ALMS1: variants seen among roughly 807,000 people sequenced by gnomAD.
The protein encoded by ALMS1 is centrosome-associated protein ALMS1.
ALMS1 carries 271 observed loss-of-function variants against 352.2 expected under a neutral mutation model. The ratio of observed to expected loss-of-function variants is 0.77; its 90% CI spans 0.70 to 0.85. The LOEUF is 0.85. ALMS1 is among the 40% of genes least tolerant of loss of function. The probability of loss-of-function intolerance (pLI) is 0.00; values close to 1 mark genes in which losing one functional copy is unlikely to be tolerated. For synonymous variants in ALMS1, 1,865 were observed against 1,761.2 expected (o/e 1.06, Z -1.48); for missense variants, 5,445 against 4,870.7 (o/e 1.12, Z -3.51).
chr2:73,585,942 T>C (rs1165362558), intron 16 of ALMS1, among the ~76,000 whole-genome samples: 2 of 152,018 alleles, frequency 1.3e-5, no homozygotes, highest in Non-Finnish European at 2.9e-5. Flanking sequence ...TATTTTGTAT[T>C]TTAGTAGTGG....
chr2:73,456,319 A>G (rs962647875), intron 9 of ALMS1, among the ~76,000 whole-genome samples: 6 of 152,176 alleles, frequency 3.9e-5, no homozygotes, highest in African/African-American at 1.4e-4. Context: ...AGATGTGCAG[A>G]GTTTTCATTT....
rs113990482 is a variant in ALMS1, at chr2:73,563,615, C to T, written c.10384+4473C>T. On this transcript the variant is annotated intron_variant, in intron 15 of 22. Coordinates refer to ENST00000613296, the MANE Select transcript of ALMS1 (RefSeq NM_001378454.1). ...GCAGGCGCCTGTAGTCCCAGCTACT[C>T]AGGAGGCTGAGGCAGGAGAATGGCA... is the stretch of plus-strand genomic sequence containing the variant. Among the ~76,000 whole-genome samples the T allele has an allele frequency of 2.6e-3, 392 of 150,578 alleles. 3 individuals are homozygous for T. Among genetic ancestry groups the T allele is most frequent in the African/African-American group, 9.1e-3 (371 of 40,928 alleles).
In ALMS1 at chr2:73,497,021, A is replaced by T. The variant is rs201607600; in HGVS notation, c.9539+5523A>T. On this transcript the variant is annotated intron_variant, in intron 10 of 22. Coordinates refer to ENST00000613296, the MANE Select transcript of ALMS1 (RefSeq NM_001378454.1). ...TGCGACTTGTCTTCTTATCCTCTTA[A>T]AAAAGGCTTTCAAAAAACAAAGGTG... 3.2e-4 allele frequency among the ~76,000 whole-genome samples: 48 copies of T among 152,240 alleles called. No homozygotes were observed. The East Asian group carries it at 9.1e-3, about 29-fold the overall frequency.
In ALMS1 at chr2:73,529,346, A is replaced by G. The variant is rs543202276; in HGVS notation, c.9782-5478A>G. ...GGCGTGAGCCACTGCACCCAGCCAA[A>G]ACAGATATTTTTGAATTCTTTGTCT... On this transcript the variant is annotated intron_variant, in intron 11 of 22. Transcript: ENST00000613296. Among the ~76,000 whole-genome samples, 5 of 152,230 alleles carry G rather than the reference A, an allele frequency of 3.3e-5. No homozygotes were observed. The East Asian group carries it at 9.7e-4, about 29-fold the overall frequency.
chr2:73,445,065 G>A (rs1221886747), intron 7 of ALMS1, among the ~76,000 whole-genome samples: 1 of 151,796 alleles, frequency 6.6e-6, no homozygotes, highest in African/African-American at 2.4e-5. Flanking sequence ...CACACAATAG[G>A]TGCTTTTGCC....
intron 11 of ALMS1, among the ~76,000 whole-genome samples, chr2:73,526,401 A>G (rs1253054963): frequency 1.3e-5 from 2 of 152,096 alleles, no homozygotes; most frequent in Non-Finnish European, 2.9e-5. Flanking sequence ...TTTTAACAAT[A>G]TTGATTCTTC....
chr2:73,596,876 T>TTTTTTG (rs1197189216), intron 16 of ALMS1, among the ~76,000 whole-genome samples: 2 of 149,990 alleles, frequency 1.3e-5, no homozygotes, highest in Non-Finnish European at 3.0e-5. Flanking sequence ...TTTTTTTTTT[T>TTTTTTG]TTCTTTTTTT....
intron 15 of ALMS1, among the ~76,000 whole-genome samples, chr2:73,560,107 G>C (rs10169213): frequency 0.3 from 45,663 of 152,022 alleles, 8,301 homozygotes; most frequent in African/African-American, 0.51. Flanking sequence ...CAGAATGAGA[G>C]AAGATATTTG....
intron 9 of ALMS1, among the ~76,000 whole-genome samples, chr2:73,461,819 A>G (rs1440003639): frequency 6.6e-6 from 1 of 152,236 alleles, no homozygotes; most frequent in Non-Finnish European, 1.5e-5. Flanking sequence ...CAGAAGCCTC[A>G]GGAGCTGATG....
At chr2:73,405,360 A>G (rs567197613) in intron 1 of ALMS1, among the ~76,000 whole-genome samples, 13 of 152,186 alleles carry the variant, frequency 8.5e-5, no homozygotes, top group African/African-American at 3.1e-4. Context: ...AGGCTGTCCA[A>G]TTAGTTGGAG....
At chr2:73,578,182 T>C (rs957047466) in intron 16 of ALMS1, among the ~76,000 whole-genome samples, 3 of 152,192 alleles carry the variant, frequency 2.0e-5, no homozygotes, top group Non-Finnish European at 2.9e-5. Flanking sequence ...TTTTGTCTGA[T>C]ATTAGGGTAA....
rs532611312 is a variant in ALMS1, at chr2:73,478,362, A to G, written c.7675-11272A>G. Among the ~76,000 whole-genome samples, 21 of 152,314 alleles carry G rather than the reference A, an allele frequency of 1.4e-4. No individual in the cohort carries two copies. In the South Asian group the frequency reaches 2.1e-3, roughly 15 times the overall value. Reference sequence around the variant, plus strand: ...TTATTATGAAAGCTTGAAAGATGCAATGGGAGGAGGTAGAGCATGAAGTGT... The same window carrying G: ...TTATTATGAAAGCTTGAAAGATGCAGTGGGAGGAGGTAGAGCATGAAGTGT... On this transcript the variant is annotated intron_variant, in intron 9 of 22. Coordinates refer to ENST00000613296, the MANE Select transcript of ALMS1 (RefSeq NM_001378454.1).
intron 14 of ALMS1, 46 bp from the exon 15 acceptor site, chr2:73,558,926 T>C: frequency 6.3e-7 from 1 of 1,599,618 alleles, no homozygotes; most frequent in Non-Finnish European, 8.6e-7. Flanking sequence ...AAAAATCTTT[T>C]ATGTCAAGTT....
At chr2:73,584,520 T>A (rs1237413565) in intron 16 of ALMS1, among the ~76,000 whole-genome samples, 1 of 152,230 alleles carries the variant, frequency 6.6e-6, no homozygotes, top group Non-Finnish European at 1.5e-5. Flanking sequence ...GAACAACAAC[T>A]GAGTTGGATA....
Position 73,573,253 on chromosome 2 carries a change from A to G in ALMS1, c.11376A>G (p.Gln3792=), listed in dbSNP as rs1447315936. The G allele has an allele frequency of 2.5e-6, 4 of 1,613,848 alleles. No homozygotes were observed. The Admixed American group carries it at 5.0e-5, about 20-fold the overall frequency. The change falls in exon 16 of 23, where the codon CAA becomes CAG. Residue 3792 remains glutamine (Q), a synonymous_variant. Coordinates refer to ENST00000613296, the MANE Select transcript of ALMS1 (RefSeq NM_001378454.1). ...CTATTGACACTGCCCGGCTGATTCA[A>G]GCTTTTGGCCATGAAAGAGTATGCT... The part of the protein sequence containing the change: ...VSTIDTARLI[Q]AFGHERVCLS...
chr2:73,385,838 C>A lies in ALMS1; in HGVS notation c.-31C>A. The A allele has an allele frequency of 1.4e-6, 1 of 702,224 alleles. No homozygotes were observed. Among genetic ancestry groups the A allele is most frequent in the Non-Finnish European group, 2.6e-6 (1 of 389,302 alleles). The allele number at this position is 702,224 out of a possible 1,614,324, so 43.5% of individuals were successfully genotyped here. On this transcript the variant is annotated 5_prime_UTR_variant, in exon 1 of 23. Transcript: ENST00000613296. The stretch of plus-strand genomic sequence containing the variant: ...TTCCCCTCCCTCCCCCCCTCCTCCT[C>A]CTCCTCTGCCGCCCAGAGCGAGACA...
chr2:73,453,042 T>C lies in ALMS1; in HGVS notation c.6515T>C (p.Leu2172Pro), dbSNP rs1671982386. Residue 2172 changes from leucine to proline, a missense_variant, in exon 8 of 23, where the codon CTT becomes CCT. Coordinates refer to ENST00000613296, the MANE Select transcript of ALMS1 (RefSeq NM_001378454.1). ...GATGCTCTAAAGATCTCAAGTGCTC[T>C]TGGGCAAGCTGATCAAATTACCGGA... ...TEDALKISSA[L>P]GQADQITGLQ... 1 of 1,613,818 alleles carries C rather than the reference T, an allele frequency of 6.2e-7. No individual in the cohort carries two copies. The highest frequency in any genetic ancestry group is 8.5e-7 in the Non-Finnish European group (1 of 1,179,986).
chr2:73,421,485 G>A (rs565892026), intron 3 of ALMS1, among the ~76,000 whole-genome samples: 1 of 152,234 alleles, frequency 6.6e-6, no homozygotes, highest in East Asian at 1.9e-4. Flanking sequence ...TCTGTGCCAA[G>A]ACCAAAGAGG....
intron 12 of ALMS1, among the ~76,000 whole-genome samples, chr2:73,542,800 C>T (rs1159178160): frequency 3.9e-5 from 6 of 151,980 alleles, no homozygotes; most frequent in South Asian, 2.1e-4. Context: ...AGGAATCCAA[C>T]TTACAAGGGA....
Sources: allele counts gnomAD v4.1 joint callset (sites outside exome capture counted in the v4.1 genomes callset), GRCh38; gene constraint gnomAD v4.1.1; transcripts MANE v1.5; gene names NCBI Gene and HGNC (gene_info 2026-07-23, HGNC 2026-07-21).